Variants in AGFG1 observed in about 807,000 individuals in gnomAD.
AGFG1 encodes the protein arf-GAP domain and FG repeat-containing protein 1.
In AGFG1, 10 loss-of-function variants were observed where a neutral mutation model predicts 60.6. The ratio of observed to expected loss-of-function variants is 0.16; its 90% CI spans 0.10 to 0.28. AGFG1 has a LOEUF of 0.28. AGFG1 is among the 10% of genes least tolerant of loss of function. The pLI is 1.00. For missense variants in AGFG1, 537 were observed against 676.5 expected, an observed-to-expected ratio of 0.79 and a Z score of 2.29; for synonymous variants, 247 against 242.9, an observed-to-expected ratio of 1.02 and a Z score of -0.16.
At chr2:227,548,536 G>A (rs1468729562) in intron 10 of AGFG1, among the ~76,000 whole-genome samples, 1 of 152,158 alleles carries the variant, frequency 6.6e-6, no homozygotes, top group Non-Finnish European at 1.5e-5. Flanking sequence ...GCAAAATTCT[G>A]TGGAAAAGTG....
rs1199287338 is a variant in AGFG1, at chr2:227,553,743, TAAC to T, written c.1578_1580del (p.Thr527del). On this transcript the variant is annotated inframe_deletion, in exon 12 of 13. Coordinates refer to ENST00000310078, the MANE Select transcript of AGFG1 (RefSeq NM_004504.5). ...GCATTTGGACAAACAAAGCCAGTAG[TAAC>T]CCCTTTTGGTCAAGTTGCAGCTGCT... 1 of 1,614,012 alleles carries T rather than the reference TAAC, an allele frequency of 6.2e-7. No individual in the cohort carries two copies. Among genetic ancestry groups the T allele is most frequent in the African/African-American group, 1.3e-5 (1 of 75,054 alleles).
At chr2:227,540,213 C>G (rs753259525) in intron 10 of AGFG1, among the ~76,000 whole-genome samples, 3 of 127,338 alleles carry the variant, frequency 2.4e-5, no homozygotes, top group Non-Finnish European at 5.1e-5. Flanking sequence ...TTTTTTTTTA[C>G]TTTAAGTTCT....
chr2:227,554,058 A>C (rs749909198), intron 12 of AGFG1, among the ~76,000 whole-genome samples: 14 of 152,220 alleles, frequency 9.2e-5, no homozygotes, highest in Non-Finnish European at 1.8e-4. Context: ...CTATTTTATA[A>C]TATGAAACTT....
intron 3 of AGFG1, among the ~76,000 whole-genome samples, chr2:227,522,647 G>C (rs999319147): frequency 1.3e-5 from 2 of 152,148 alleles, no homozygotes. Flanking sequence ...CCATTTAGTG[G>C]TAGAGCTGGG....
rs1693081622 is a variant in AGFG1 at position 227,559,679 on chromosome 2, G to A, written c.*5184G>A. The A allele has an allele frequency of 6.6e-6, 1 of 152,122 alleles. No homozygotes were observed. Among genetic ancestry groups the A allele is most frequent in the Non-Finnish European group, 1.5e-5 (1 of 68,012 alleles). 9.4% of individuals were successfully genotyped at this position (152,122 alleles called of 1,614,324 possible). ...TCTGAAATCTTGAGATGTTATCCAA[G>A]TTACAATTTAAGCAATGAGAGTAAA... On this transcript the variant is annotated 3_prime_UTR_variant, in exon 13 of 13. Transcript: ENST00000310078.
At chr2:227,545,322 A>G (rs534881421) in intron 10 of AGFG1, among the ~76,000 whole-genome samples, 1 of 152,210 alleles carries the variant, frequency 6.6e-6, no homozygotes, top group Non-Finnish European at 1.5e-5. Flanking sequence ...GTCATTTAAG[A>G]TCTTCCCTAC....
chr2:227,501,948 A>G lies in AGFG1; in HGVS notation c.261+10308A>G, dbSNP rs543290949. Among the ~76,000 whole-genome samples, 6 of 151,990 alleles carry G rather than the reference A, an allele frequency of 3.9e-5. No individual in the cohort carries two copies. In the South Asian group the frequency reaches 1.2e-3, roughly 32 times the overall value. Reference sequence around the variant, plus strand: ...ATTACAGCTCACTGCAGCCTTGACCACCTGTGCTTAAGCAGTTCTCCCACC... The same window carrying G: ...ATTACAGCTCACTGCAGCCTTGACCGCCTGTGCTTAAGCAGTTCTCCCACC... On this transcript the variant is annotated intron_variant, in intron 2 of 12. Coordinates refer to ENST00000310078, the MANE Select transcript of AGFG1 (RefSeq NM_004504.5).
chr2:227,501,661 G>A (rs1275807950), intron 2 of AGFG1, among the ~76,000 whole-genome samples: 1 of 152,004 alleles, frequency 6.6e-6, no homozygotes, highest in Admixed American at 6.6e-5. Flanking sequence ...ACGGCTTACT[G>A]CAGCCTTGAC....
At chr2:227,544,124 T>C (rs1262396561) in intron 10 of AGFG1, among the ~76,000 whole-genome samples, 6 of 151,630 alleles carry the variant, frequency 4.0e-5, no homozygotes, top group Non-Finnish European at 8.8e-5. Context: ...CTTGACTCTT[T>C]ATCCAATTTG....
At position 227,472,466 on chromosome 2, in the gene AGFG1, G is replaced by A. The variant is rs781134123; in HGVS notation, c.45G>A (p.Lys15=). The stretch of plus-strand genomic sequence containing the variant: ...GGAAGCAGGAGGAGAAGCACCTGAA[G>A]ATGCTGCGGGACATGACCGGCCTCC... ...AKRKQEEKHL[K]MLRDMTGLPH... Residue 15 remains lysine, a synonymous_variant, in exon 1 of 13, where the codon AAG becomes AAA. Transcript: ENST00000310078. The A allele has an allele frequency of 2.0e-5, 31 of 1,567,180 alleles. No individual in the cohort carries two copies. In the South Asian group the frequency reaches 2.6e-4, roughly 13 times the overall value.
intron 10 of AGFG1, among the ~76,000 whole-genome samples, chr2:227,539,577 C>T (rs563246091): frequency 5.3e-5 from 8 of 151,476 alleles, no homozygotes; most frequent in East Asian, 3.9e-4. Context: ...GGCAACATGG[C>T]GAACCCCGTT....
chr2:227,527,268 T>G (rs1238806107), intron 5 of AGFG1, among the ~76,000 whole-genome samples: 3 of 152,226 alleles, frequency 2.0e-5, no homozygotes, highest in African/African-American at 7.2e-5. Context: ...AAGGTTCAAG[T>G]GAGATGATGC....
chr2:227,475,888 C>T (rs188546214), intron 1 of AGFG1, among the ~76,000 whole-genome samples: 1 of 152,250 alleles, frequency 6.6e-6, no homozygotes, highest in East Asian at 1.9e-4. Flanking sequence ...TGCTAGCTGC[C>T]GTTCCTTGAT....
At chr2:227,477,288 A>G (rs1690313433) in intron 1 of AGFG1, among the ~76,000 whole-genome samples, 1 of 152,238 alleles carries the variant, frequency 6.6e-6, no homozygotes, top group Non-Finnish European at 1.5e-5. Flanking sequence ...TGCTGGAGAT[A>G]CAACAGTTAA....
chr2:227,526,539 C>CTTTTTTTTTTTTT (rs777649930), intron 5 of AGFG1, among the ~76,000 whole-genome samples: 1 of 92,482 alleles, frequency 1.1e-5, no homozygotes, highest in Non-Finnish European at 2.1e-5. Flanking sequence ...TGCCCAGCCT[C>CTTTTTTTTTTTTT]TTTTTTTTTT....
intron 1 of AGFG1, among the ~76,000 whole-genome samples, chr2:227,489,254 G>A (rs1159640459): frequency 2.5e-5 from 3 of 119,320 alleles, no homozygotes; most frequent in East Asian, 2.6e-4. Context: ...TTTTTGAGAC[G>A]GAGTCTCAGT....
At chr2:227,544,374 T>G (rs1435418107) in intron 10 of AGFG1, among the ~76,000 whole-genome samples, 1 of 152,116 alleles carries the variant, frequency 6.6e-6, no homozygotes, top group Non-Finnish European at 1.5e-5. Context: ...CAGGATGGTG[T>G]CGATCTCCTG....
rs1463975803 is a variant in AGFG1 at position 227,560,742 on chromosome 2, T to G, written c.*6247T>G. The G allele has an allele frequency of 2.0e-5, 3 of 152,174 alleles. No homozygotes were observed. The highest frequency in any genetic ancestry group is 4.4e-5 in the Non-Finnish European group (3 of 67,988). 9.4% of individuals were successfully genotyped at this position (152,174 alleles called of 1,614,324 possible). On this transcript the variant is annotated 3_prime_UTR_variant, in exon 13 of 13. Transcript: ENST00000310078. ...TTCATTATACAAAATTAGCTTCCTA[T>G]GCTTTAGAAAAAATGTGAGTTATTA...
intron 1 of AGFG1, among the ~76,000 whole-genome samples, chr2:227,476,132 A>G (rs1257147075): frequency 1.3e-5 from 2 of 152,114 alleles, no homozygotes; most frequent in Non-Finnish European, 2.9e-5. Context: ...CTGAATTTAG[A>G]TTGTAAAACT....
Sources: allele counts gnomAD v4.1 joint callset (sites outside exome capture counted in the v4.1 genomes callset), GRCh38; gene constraint gnomAD v4.1.1; transcripts MANE v1.5; gene names NCBI Gene and HGNC (gene_info 2026-07-23, HGNC 2026-07-21).